RP1: variants seen among roughly 807,000 people sequenced by gnomAD.
The protein encoded by RP1 is oxygen-regulated protein 1.
In RP1, 16 loss-of-function variants were observed where a neutral mutation model predicts 14.8. The observed-to-expected ratio is 1.08, with a 90% confidence interval of 0.73 to 1.65. The LOEUF is 1.65. RP1 is among the 40% of genes most tolerant of loss of function. RP1 has a pLI of 0.00. For missense variants in RP1, 2,631 were observed against 2,535.0 expected (o/e 1.04, Z -0.81); for synonymous variants, 876 against 883.6 (o/e 0.99, Z 0.15).
In RP1 at chr8:54,865,477, G is replaced by A. The variant is rs1812437028; in HGVS notation, c.4070-358G>A. Among the ~76,000 whole-genome samples, 4 of 151,928 alleles carry A rather than the reference G, an allele frequency of 2.6e-5. No homozygotes were observed. The South Asian group carries it at 6.2e-4, about 24-fold the overall frequency. On this transcript the variant is annotated intron_variant, in intron 27 of 28. Coordinates refer to the RP1 transcript ENST00000637698. ...TCACTATTAAGAATGATGATTGATTGTGACTTTCCATTACTATTTAAACTT... is the reference window on the plus strand; with the variant it reads ...TCACTATTAAGAATGATGATTGATTATGACTTTCCATTACTATTTAAACTT...
rs748097421 is a variant in RP1, at chr8:54,627,310, A to G, written c.3428A>G (p.Asn1143Ser). The G allele has an allele frequency of 1.1e-5, 18 of 1,614,154 alleles. No individual in the cohort carries two copies. In the Admixed American group the frequency reaches 3.0e-4, roughly 27 times the overall value. ...GTGCTAAACCTAAAGGGAAGTATGA[A>G]TAGCTTCTGTCAAGTTGATGCTCAC... Reference protein sequence around the residue: ...LLVLNLKGSMNSFCQVDAHKA... With the variant: ...LLVLNLKGSMSSFCQVDAHKA... Residue 1143 changes from asparagine to serine, a missense_variant, in exon 4 of 4, where the codon AAT becomes AGT. Coordinates refer to ENST00000220676, the MANE Select transcript of RP1 (RefSeq NM_006269.2).
intron 1 of RP1, among the ~76,000 whole-genome samples, chr8:54,589,942 A>C (rs1323931430): frequency 6.6e-6 from 1 of 152,090 alleles, no homozygotes; most frequent in Non-Finnish European, 1.5e-5. Flanking sequence ...TCTTTCTGAG[A>C]TGATTTTATC....
intron 23 of RP1, among the ~76,000 whole-genome samples, chr8:54,779,065 T>C (rs934072341): frequency 6.6e-6 from 1 of 152,132 alleles, no homozygotes; most frequent in Non-Finnish European, 1.5e-5. Context: ...GCAGTTCTCC[T>C]CCATCTTTCC....
At chr8:54,643,028 C>T (rs1003096217) in intron 3 of RP1, among the ~76,000 whole-genome samples, 2 of 151,444 alleles carry the variant, frequency 1.3e-5, no homozygotes, top group African/African-American at 4.9e-5. Flanking sequence ...TATTCATATT[C>T]CTGTCCATTT....
At chr8:54,687,840 C>T (rs1171914056) in intron 12 of RP1, among the ~76,000 whole-genome samples, 2 of 152,118 alleles carry the variant, frequency 1.3e-5, no homozygotes, top group Admixed American at 1.3e-4. Flanking sequence ...ATGGGATTTG[C>T]TGGGTCAAAT....
intron 8 of RP1, among the ~76,000 whole-genome samples, chr8:54,675,617 T>C (rs1158942673): frequency 1.3e-5 from 2 of 152,166 alleles, no homozygotes; most frequent in Non-Finnish European, 1.5e-5. Flanking sequence ...CTGACTACAA[T>C]TTAGTAAAAC....
chr8:54,624,208 G>A lies in RP1; in HGVS notation c.788-462G>A, dbSNP rs149858563. On this transcript the variant is annotated intron_variant, in intron 3 of 3. Coordinates refer to ENST00000220676, the MANE Select transcript of RP1 (RefSeq NM_006269.2). Reference sequence around the variant, plus strand: ...TGTAATCCCAGCACTTTGGGAGGCCGAGGCGGGCGGATCATGAGGTCAGGA... The same window carrying A: ...TGTAATCCCAGCACTTTGGGAGGCCAAGGCGGGCGGATCATGAGGTCAGGA... Among the ~76,000 whole-genome samples the A allele has an allele frequency of 3.2e-3, 492 of 152,072 alleles. 12 individuals are homozygous for A. In the East Asian group the frequency reaches 0.074, roughly 23 times the overall value.
At chr8:54,583,289 T>A (rs1804840799) in intron 1 of RP1, among the ~76,000 whole-genome samples, 1 of 152,236 alleles carries the variant, frequency 6.6e-6, no homozygotes, top group Non-Finnish European at 1.5e-5. Flanking sequence ...TCTGTTTATA[T>A]GCTGGATTAC....
chr8:54,667,966 T>C (rs1008840071), intron 7 of RP1, among the ~76,000 whole-genome samples: 3 of 151,804 alleles, frequency 2.0e-5, no homozygotes, highest in African/African-American at 7.3e-5. Flanking sequence ...GAAAAAGAGG[T>C]AATCCTCTCT....
intron 1 of RP1, among the ~76,000 whole-genome samples, chr8:54,573,991 G>A (rs1238863873): frequency 2.0e-5 from 3 of 152,340 alleles, no homozygotes; most frequent in African/African-American, 4.8e-5. Context: ...ACCTGCATGT[G>A]TGCAGATACT....
At chr8:54,816,412 A>G (rs1811134022) in intron 24 of RP1, among the ~76,000 whole-genome samples, 1 of 152,246 alleles carries the variant, frequency 6.6e-6, no homozygotes, top group South Asian at 2.1e-4. Flanking sequence ...ATATAAGAGC[A>G]AGGAAAAAAT....
At chr8:54,710,823 G>T (rs371614975) in intron 15 of RP1, among the ~76,000 whole-genome samples, 1 of 152,290 alleles carries the variant, frequency 6.6e-6, no homozygotes, top group East Asian at 1.9e-4. Context: ...TATAGGCACA[G>T]GATGGGGAGG....
At chr8:54,590,494 C>T (rs1805021798) in intron 1 of RP1, among the ~76,000 whole-genome samples, 1 of 152,084 alleles carries the variant, frequency 6.6e-6, no homozygotes, top group Non-Finnish European at 1.5e-5. Flanking sequence ...TTAGAGTGCC[C>T]CCTCCTCAAA....
intron 12 of RP1, among the ~76,000 whole-genome samples, chr8:54,688,692 A>G (rs2129338524): frequency 6.6e-6 from 1 of 152,314 alleles, no homozygotes; most frequent in East Asian, 1.9e-4. Flanking sequence ...TGGTACCAGT[A>G]CCATGCTGTT....
chr8:54,783,946 C>A (rs1355289450), intron 24 of RP1, among the ~76,000 whole-genome samples: 2 of 152,078 alleles, frequency 1.3e-5, no homozygotes, highest in African/African-American at 2.4e-5. Flanking sequence ...AAACTACATG[C>A]ATTTTAGAAC....
intron 3 of RP1, among the ~76,000 whole-genome samples, chr8:54,636,791 C>T (rs1267028700): frequency 3.3e-5 from 5 of 152,100 alleles, no homozygotes; most frequent in Admixed American, 2.0e-4. Flanking sequence ...CATTTATTCT[C>T]ATGGATGTGG....
intron 26 of RP1, among the ~76,000 whole-genome samples, chr8:54,853,036 C>T (rs546071791): frequency 7.2e-5 from 11 of 152,296 alleles, no homozygotes; most frequent in African/African-American, 2.4e-4. Context: ...AAAGGTATGA[C>T]AGAGCTACCC....
exon 15 of RP1, chr8:54,706,621 A>T (rs979157269): frequency 5.9e-6 from 9 of 1,535,998 alleles, no homozygotes; most frequent in Admixed American, 2.0e-5. Context: ...GCACAAATGT[A>T]TCTAAGAATC....
At chr8:54,834,306 C>T (rs4737722) in intron 24 of RP1, among the ~76,000 whole-genome samples, 13 of 151,734 alleles carry the variant, frequency 8.6e-5, no homozygotes, top group Middle Eastern at 3.4e-3. Flanking sequence ...TCAGGGGTTC[C>T]GGAGTAGGAG....
Sources: gnomAD v4.1 joint callset for allele counts (sites outside exome capture counted in the v4.1 genomes callset) on GRCh38, gnomAD v4.1.1 for gene constraint, MANE v1.5 for transcripts, NCBI Gene and HGNC (gene_info 2026-07-23, HGNC 2026-07-21) for gene names.